Variants in SLC24A2 observed in about 807,000 individuals in gnomAD.
SLC24A2 encodes solute carrier family 24 member 2.
SLC24A2 carries 36 observed loss-of-function variants against 62.0 expected under a neutral mutation model. That is an observed-to-expected ratio of 0.58 (90% confidence interval 0.44 to 0.77). The LOEUF (loss-of-function observed/expected upper bound fraction) is 0.77. Among genes scored for constraint, SLC24A2 ranks in the 30% least tolerant of loss-of-function variants. The pLI is 0.00. For synonymous variants in SLC24A2, 358 were observed against 294.0 expected, an observed-to-expected ratio of 1.22 and a Z score of -2.23; for missense variants, 846 against 817.9, an observed-to-expected ratio of 1.03 and a Z score of -0.42.
intron 8 of SLC24A2, among the ~76,000 whole-genome samples, chr9:19,533,994 C>T (rs1421449862): frequency 9.8e-6 from 1 of 101,822 alleles, no homozygotes; most frequent in Non-Finnish European, 2.0e-5. Flanking sequence ...TGTAGGATCA[C>T]TTTAAATGTG....
intron 7 of SLC24A2, among the ~76,000 whole-genome samples, chr9:19,567,479 G>A (rs1835701576): frequency 6.7e-6 from 1 of 149,262 alleles, no homozygotes; most frequent in African/African-American, 2.5e-5. Flanking sequence ...CCGGGAGGCG[G>A]AGCTTGCAGT....
intron 5 of SLC24A2, among the ~76,000 whole-genome samples, chr9:19,580,791 C>A (rs1015425028): frequency 6.6e-6 from 1 of 152,134 alleles, no homozygotes; most frequent in African/African-American, 2.4e-5. Flanking sequence ...TTAGTTTTCC[C>A]ATCTGTTAAG....
At chr9:20,102,876 A>T in the SLC24A2 span, among the ~76,000 whole-genome samples, 1 of 151,868 alleles carries the variant, frequency 6.6e-6, no homozygotes, top group Non-Finnish European at 1.5e-5. Context: ...ACCGTGCGCC[A>T]GCAGAAGCAG....
At chr9:19,741,307 G>C (rs1168436636) in intron 2 of SLC24A2, among the ~76,000 whole-genome samples, 1 of 152,188 alleles carries the variant, frequency 6.6e-6, no homozygotes, top group Non-Finnish European at 1.5e-5. Context: ...AGGGAAGTGG[G>C]AAGCCTGTAG....
At chr9:19,791,330 A>G (rs118118013), upstream of SLC24A2, among the ~76,000 whole-genome samples, 582 of 152,344 alleles carry the variant, frequency 3.8e-3, 12 homozygotes, top group East Asian at 0.053. Flanking sequence ...GATTCTGTCA[A>G]TGCTTCACTT....
At chr9:19,795,554 A>G in the SLC24A2 span, among the ~76,000 whole-genome samples, 1 of 152,168 alleles carries the variant, frequency 6.6e-6, no homozygotes, top group African/African-American at 2.4e-5. Context: ...CAAAGGTTTT[A>G]GCTGTTTTGT....
At chr9:20,064,521 G>T in the SLC24A2 span, among the ~76,000 whole-genome samples, 3 of 152,010 alleles carry the variant, frequency 2.0e-5, no homozygotes, top group Admixed American at 2.0e-4. Context: ...GGAAAAAAAA[G>T]CCAAGAAAAA....
At chr9:19,741,645 C>T (rs1393397802) in intron 2 of SLC24A2, among the ~76,000 whole-genome samples, 1 of 152,166 alleles carries the variant, frequency 6.6e-6, no homozygotes, top group African/African-American at 2.4e-5. Flanking sequence ...TAACAACTTT[C>T]TACCTAGTTA....
chr9:19,765,538 T>G (rs1321029673), intron 2 of SLC24A2, among the ~76,000 whole-genome samples: 2 of 152,228 alleles, frequency 1.3e-5, no homozygotes, highest in East Asian at 3.8e-4. Flanking sequence ...AAGGATTTTA[T>G]TTCTCCTTCA....
chr9:20,300,955 C>T, the SLC24A2 span, among the ~76,000 whole-genome samples: 1 of 152,072 alleles, frequency 6.6e-6, no homozygotes, highest in Non-Finnish European at 1.5e-5. Flanking sequence ...AATCCAAGTA[C>T]AACATACACA....
chr9:20,276,504 T>C, the SLC24A2 span, among the ~76,000 whole-genome samples: 1 of 152,074 alleles, frequency 6.6e-6, no homozygotes, highest in African/African-American at 2.4e-5. Context: ...TGGCATTGAG[T>C]GTCTGTGGCT....
chr9:20,199,579 T>G, the SLC24A2 span, among the ~76,000 whole-genome samples: 1 of 152,146 alleles, frequency 6.6e-6, no homozygotes, highest in South Asian at 2.1e-4. Flanking sequence ...AGCAGGATTT[T>G]CAATATTTTT....
chr9:20,089,157 C>G, the SLC24A2 span, among the ~76,000 whole-genome samples: 1 of 152,308 alleles, frequency 6.6e-6, no homozygotes, highest in East Asian at 1.9e-4. Context: ...AGCCCTTGCC[C>G]TTGCTGTCTC....
the SLC24A2 span, among the ~76,000 whole-genome samples, chr9:20,099,044 G>A: frequency 6.6e-6 from 1 of 152,140 alleles, no homozygotes; most frequent in African/African-American, 2.4e-5. Context: ...TGCCTCCACT[G>A]CCAACAGAAC....
the SLC24A2 span, among the ~76,000 whole-genome samples, chr9:19,916,471 A>G: frequency 6.6e-6 from 1 of 152,074 alleles, no homozygotes; most frequent in African/African-American, 2.4e-5. Flanking sequence ...TTAAGATAAA[A>G]ATGAAGGCAG....
At chr9:19,789,130 C>A (rs1330109992), upstream of SLC24A2, among the ~76,000 whole-genome samples, 1 of 152,032 alleles carries the variant, frequency 6.6e-6, no homozygotes, top group Non-Finnish European at 1.5e-5. Context: ...GGGAGCGGGG[C>A]CGCAGCGCGC....
intron 2 of SLC24A2, among the ~76,000 whole-genome samples, chr9:19,697,893 T>A (rs1317236406): frequency 2.6e-5 from 4 of 152,186 alleles, no homozygotes; most frequent in Non-Finnish European, 5.9e-5. Flanking sequence ...CATTCCTTCA[T>A]ACATGGTATG....
At chr9:19,686,823 A>C (rs1490888423) in intron 2 of SLC24A2, among the ~76,000 whole-genome samples, 1 of 152,132 alleles carries the variant, frequency 6.6e-6, no homozygotes, top group Non-Finnish European at 1.5e-5. Context: ...GCATGAACTA[A>C]TACACATGTG....
At chr9:19,727,026 C>T (rs1326491635) in intron 2 of SLC24A2, among the ~76,000 whole-genome samples, 1 of 152,204 alleles carries the variant, frequency 6.6e-6, no homozygotes, top group Non-Finnish European at 1.5e-5. Context: ...TTCCCATTTC[C>T]TTCAAGCACC....
Sources: gnomAD v4.1 joint callset for allele counts (sites outside exome capture counted in the v4.1 genomes callset) on GRCh38, gnomAD v4.1.1 for gene constraint, MANE v1.5 for transcripts, NCBI Gene and HGNC (gene_info 2026-07-23, HGNC 2026-07-21) for gene names.